The following DLGAP2 variants were observed in gnomAD, a reference collection of about 807,000 sequenced individuals.
DLGAP2 encodes the protein disks large-associated protein 2.
Under a neutral mutation model 100.3 loss-of-function variants are expected in DLGAP2, and 26 were observed. The ratio of observed to expected loss-of-function variants is 0.26; its 90% confidence interval spans 0.19 to 0.36. The LOEUF is 0.36. Ranked by LOEUF, DLGAP2 falls within the 10% of genes least tolerant of loss-of-function variation. The pLI, the probability that DLGAP2 is intolerant of heterozygous loss-of-function variation, is 1.00. For missense variants in DLGAP2, 1,858 were observed against 1,453.2 expected (o/e 1.28, Z -4.53); for synonymous variants, 886 against 630.1 (o/e 1.41, Z -6.08).
At chr8:1,373,700 G>A (rs1020923431) in intron 3 of DLGAP2, 5 of 152,190 alleles carry the variant, frequency 3.3e-5, no homozygotes, top group African/African-American at 1.2e-4. Context: ...CACCAACTAG[G>A]AGCTTAATCA....
At chr8:750,063 G>A (rs748833213) in intron 1 of DLGAP2, among the ~76,000 whole-genome samples, 1 of 152,240 alleles carries the variant, frequency 6.6e-6, no homozygotes, top group Non-Finnish European at 1.5e-5. Flanking sequence ...TCATCAAAGA[G>A]CCTTAGTTCA....
intron 4 of DLGAP2, among the ~76,000 whole-genome samples, chr8:1,511,948 T>C (rs1388626355): frequency 6.6e-6 from 1 of 152,222 alleles, no homozygotes; most frequent in African/African-American, 2.4e-5. Flanking sequence ...GTGTTTTATG[T>C]GCACTTTCTA....
intron 3 of DLGAP2, among the ~76,000 whole-genome samples, chr8:1,470,236 G>T (rs557818539): frequency 6.6e-6 from 1 of 152,190 alleles, no homozygotes; most frequent in Admixed American, 6.5e-5. Flanking sequence ...CCGCTGTCTC[G>T]CTGGACGTCT....
intron 3 of DLGAP2, among the ~76,000 whole-genome samples, chr8:1,377,694 A>G (rs2129745502): frequency 6.6e-6 from 1 of 152,318 alleles, no homozygotes; most frequent in African/African-American, 2.4e-5. Flanking sequence ...GGGTCAGTGG[A>G]TCTGAGTGCA....
intron 2 of DLGAP2, among the ~76,000 whole-genome samples, chr8:1,039,156 G>GCGTGGTCAGCTCGGTTTC (rs1219621564): frequency 9.2e-5 from 7 of 76,444 alleles, no homozygotes; most frequent in Admixed American, 1.6e-4. Context: ...ATGTGGAAAT[G>GCGTGGTCAGCTCGGTTTC]CGTGGTCAGC....
At chr8:1,174,343 C>T (rs992554452) in intron 2 of DLGAP2, among the ~76,000 whole-genome samples, 8 of 151,752 alleles carry the variant, frequency 5.3e-5, no homozygotes, top group African/African-American at 1.9e-4. Context: ...TTACCATTAC[C>T]ACCATCATTA....
chr8:1,649,858 G>A (rs980713895), intron 8 of DLGAP2, among the ~76,000 whole-genome samples: 5 of 152,154 alleles, frequency 3.3e-5, no homozygotes, highest in Non-Finnish European at 7.4e-5. Flanking sequence ...ATTTGGTTTT[G>A]GAAGCCAGGA....
intron 2 of DLGAP2, among the ~76,000 whole-genome samples, chr8:1,172,579 G>A (rs112625150): frequency 0.055 from 8,371 of 152,014 alleles, 288 homozygotes; most frequent in African/African-American, 0.097. Flanking sequence ...GGCTTTGTTC[G>A]TTTCTTTTTA....
intron 6 of DLGAP2, among the ~76,000 whole-genome samples, chr8:1,567,880 A>G (rs1020344562): frequency 6.6e-6 from 1 of 152,234 alleles, no homozygotes; most frequent in Admixed American, 6.5e-5. Context: ...TCACTCACCA[A>G]CAGCCCTTAA....
chr8:1,565,280 G>A (rs913674620), intron 5 of DLGAP2, among the ~76,000 whole-genome samples: 1 of 147,110 alleles, frequency 6.8e-6, no homozygotes, highest in Admixed American at 7.0e-5. Context: ...TATACAATAA[G>A]ATAGGCATTT....
chr8:1,173,616 G>C (rs112856952), intron 2 of DLGAP2, among the ~76,000 whole-genome samples: 1 of 152,070 alleles, frequency 6.6e-6, no homozygotes, highest in Non-Finnish European at 1.5e-5. Flanking sequence ...CCTCCCTGCC[G>C]CCTAGTTTGA....
chr8:1,527,887 C>CA (rs1373915786), intron 4 of DLGAP2, among the ~76,000 whole-genome samples: 6 of 151,766 alleles, frequency 4.0e-5, no homozygotes, highest in Non-Finnish European at 8.8e-5. Context: ...ATACACAGCT[C>CA]ATCTTTATGT....
At chr8:976,365 A>C (rs1324035640) in intron 2 of DLGAP2, among the ~76,000 whole-genome samples, 1 of 152,076 alleles carries the variant, frequency 6.6e-6, no homozygotes, top group Non-Finnish European at 1.5e-5. Flanking sequence ...TAATCCTAGC[A>C]CTTTGGGAGA....
At chr8:768,758 C>G (rs138559044) in intron 1 of DLGAP2, among the ~76,000 whole-genome samples, 229 of 152,192 alleles carry the variant, frequency 1.5e-3, no homozygotes, top group African/African-American at 4.9e-3. Context: ...CTGGTGCACT[C>G]CAGCATCAAA....
At chr8:881,289 T>C (rs954772247) in intron 1 of DLGAP2, among the ~76,000 whole-genome samples, 1 of 152,206 alleles carries the variant, frequency 6.6e-6, no homozygotes, top group East Asian at 1.9e-4. Flanking sequence ...AGCTTGGCTG[T>C]GAATCTCATT....
chr8:1,601,977 T>TGTGTGTGTGTGTGA (rs1796641945), intron 6 of DLGAP2, among the ~76,000 whole-genome samples: 1 of 151,912 alleles, frequency 6.6e-6, no homozygotes, highest in Non-Finnish European at 1.5e-5. Flanking sequence ...TGTGTGTGTG[T>TGTGTGTGTGTGTGA]GTGATCAGCC....
chr8:1,678,280 G>C lies in DLGAP2; in HGVS notation c.2355G>C (p.Gly785=), dbSNP rs199850637. The C allele has an allele frequency of 1.2e-6, 2 of 1,613,802 alleles. No homozygotes were observed. Among genetic ancestry groups the C allele is most frequent in the Non-Finnish European group, 1.7e-6 (2 of 1,179,796 alleles). The change falls in exon 12 of 15, where the codon GGG becomes GGC. Residue 785 remains glycine (G), a synonymous_variant. Transcript: ENST00000637795. The stretch of plus-strand genomic sequence containing the variant: ...TCCAAGCTGACCTGGAGCTGGAGGG[G>C]TTCCCAGGCCACATCACCACGGAGG... ...AAVQADLELE[G]FPGHITTEDK...
chr8:782,564 A>G (rs897007555), intron 1 of DLGAP2, among the ~76,000 whole-genome samples: 4 of 152,238 alleles, frequency 2.6e-5, no homozygotes, highest in Non-Finnish European at 2.9e-5. Context: ...ACAAAATAGT[A>G]AGAATTGAAA....
At chr8:1,215,322 C>G (rs960326018) in intron 2 of DLGAP2, among the ~76,000 whole-genome samples, 1 of 152,216 alleles carries the variant, frequency 6.6e-6, no homozygotes, top group Non-Finnish European at 1.5e-5. Context: ...CATGATCATG[C>G]GAGGCTGATA....
Sources: allele counts gnomAD v4.1 joint callset (sites outside exome capture counted in the v4.1 genomes callset), GRCh38; gene constraint gnomAD v4.1.1; transcripts MANE v1.5; gene names NCBI Gene and HGNC (gene_info 2026-07-23, HGNC 2026-07-21).